Variants in ABTB2 observed in about 807,000 individuals in gnomAD.
ABTB2 encodes the protein ankyrin repeat and BTB/POZ domain-containing protein 2.
Under a neutral mutation model 104.1 loss-of-function variants are expected in ABTB2, and 56 were observed. The ratio of observed to expected loss-of-function variants is 0.54; its 90% CI spans 0.43 to 0.67. The LOEUF (loss-of-function observed/expected upper bound fraction) is 0.67. ABTB2 is among the 30% of genes least tolerant of loss of function. ABTB2 has a pLI of 0.00. For synonymous variants in ABTB2, 606 were observed against 608.2 expected (o/e 1.00, Z 0.05); for missense variants, 1,279 against 1,407.7 (o/e 0.91, Z 1.46).
intron 1 of ABTB2, among the ~76,000 whole-genome samples, chr11:34,285,433 G>C (rs999805378): frequency 2.0e-5 from 3 of 152,128 alleles, no homozygotes; most frequent in African/African-American, 7.2e-5. Flanking sequence ...CGGAAAACAG[G>C]GTGGCCCTTT....
intron 11 of ABTB2, among the ~76,000 whole-genome samples, 183 bp from the exon 12 acceptor site, chr11:34,160,536 T>C (rs1852696983): frequency 6.6e-6 from 1 of 151,668 alleles, no homozygotes; most frequent in Non-Finnish European, 1.5e-5. Flanking sequence ...CGAAATGGCT[T>C]TTTTGGTCAG....
chr11:34,249,967 G>T (rs1854035994), intron 1 of ABTB2, among the ~76,000 whole-genome samples: 1 of 152,198 alleles, frequency 6.6e-6, no homozygotes, highest in Non-Finnish European at 1.5e-5. Flanking sequence ...CCCCAATGGT[G>T]CTCAGTGACT....
chr11:34,173,144 C>G lies in ABTB2; in HGVS notation c.1397+11G>C. The G allele has an allele frequency of 6.2e-7, 1 of 1,613,678 alleles. No homozygotes were observed. Among genetic ancestry groups the G allele is most frequent in the Non-Finnish European group, 8.5e-7 (1 of 1,179,904 alleles). On this transcript the variant is annotated intron_variant, in intron 4 of 16. Transcript: ENST00000435224. ...TGGATGCCGGGGCCCTCCCTCCTCCCTGGTTCATACTTGAGCTGCCGAGGT... is the reference window on the plus strand; with the variant it reads ...TGGATGCCGGGGCCCTCCCTCCTCCGTGGTTCATACTTGAGCTGCCGAGGT...
intron 1 of ABTB2, among the ~76,000 whole-genome samples, chr11:34,292,838 A>G (rs537392325): frequency 4.6e-5 from 7 of 152,312 alleles, no homozygotes; most frequent in Admixed American, 2.6e-4. Context: ...AACAGCAGGT[A>G]CAAACCCCCA....
At chr11:34,312,506 G>C (rs896129516) in intron 1 of ABTB2, among the ~76,000 whole-genome samples, 3 of 152,164 alleles carry the variant, frequency 2.0e-5, no homozygotes, top group South Asian at 2.1e-4. Flanking sequence ...ACGCAGCTTC[G>C]GAACCCAGTT....
At chr11:34,307,968 T>C (rs763094580) in intron 1 of ABTB2, among the ~76,000 whole-genome samples, 2 of 152,218 alleles carry the variant, frequency 1.3e-5, no homozygotes, top group Non-Finnish European at 2.9e-5. Flanking sequence ...AGTGCTGGGA[T>C]TACAGGCGTG....
intron 1 of ABTB2, among the ~76,000 whole-genome samples, chr11:34,322,991 C>T (rs367566969): frequency 6.6e-6 from 1 of 152,284 alleles, no homozygotes. Context: ...CTCACTGCAA[C>T]CTCTGCCTCC....
At chr11:34,194,908 C>T in intron 3 of ABTB2, among the ~76,000 whole-genome samples, 1 of 151,944 alleles carries the variant, frequency 6.6e-6, no homozygotes, top group Non-Finnish European at 1.5e-5. Context: ...AAATAAATGG[C>T]TACGTAAACA....
intron 1 of ABTB2, among the ~76,000 whole-genome samples, chr11:34,239,169 C>T (rs904266187): frequency 1.3e-5 from 2 of 152,090 alleles, no homozygotes; most frequent in African/African-American, 2.4e-5. Context: ...GACGACAACA[C>T]CTGATAAGGA....
At chr11:34,298,454 T>TA (rs1854654576) in intron 1 of ABTB2, among the ~76,000 whole-genome samples, 1 of 145,914 alleles carries the variant, frequency 6.9e-6, no homozygotes, top group Non-Finnish European at 1.5e-5. Flanking sequence ...CTTTTAAATT[T>TA]AAAAAAATTA....
At chr11:34,329,443 C>T (rs1340604396) in intron 1 of ABTB2, among the ~76,000 whole-genome samples, 1 of 152,220 alleles carries the variant, frequency 6.6e-6, no homozygotes, top group African/African-American at 2.4e-5. Flanking sequence ...CTATCCACAG[C>T]TGACCTACAG....
chr11:34,155,396 C>T (rs1852609930), intron 14 of ABTB2, among the ~76,000 whole-genome samples: 1 of 152,258 alleles, frequency 6.6e-6, no homozygotes. Context: ...ACAGGCTGAG[C>T]CCTGCCTTGG....
chr11:34,158,305 C>T (rs562755525), intron 14 of ABTB2, among the ~76,000 whole-genome samples: 14 of 152,146 alleles, frequency 9.2e-5, no homozygotes, highest in Non-Finnish European at 1.6e-4. Flanking sequence ...CCCAGCTACT[C>T]GGGAGGGTGA....
At chr11:34,179,779 T>C (rs371049829) in intron 3 of ABTB2, among the ~76,000 whole-genome samples, 2 of 152,342 alleles carry the variant, frequency 1.3e-5, no homozygotes, top group African/African-American at 4.8e-5. Flanking sequence ...CTGTACCTAC[T>C]GCATGGTGAC....
chr11:34,224,904 T>C (rs950008978), intron 1 of ABTB2, among the ~76,000 whole-genome samples: 5 of 152,168 alleles, frequency 3.3e-5, no homozygotes, highest in African/African-American at 7.2e-5. Flanking sequence ...GCAAAAACTA[T>C]ATTTTTCTTC....
chr11:34,284,409 A>G (rs1854481288), intron 1 of ABTB2, among the ~76,000 whole-genome samples: 6 of 152,238 alleles, frequency 3.9e-5, no homozygotes. Context: ...CCAATGTCTG[A>G]GCTGCCTTAC....
intron 1 of ABTB2, among the ~76,000 whole-genome samples, chr11:34,311,259 AACTTAAC>A (rs1479214020): frequency 1.3e-5 from 2 of 152,222 alleles, no homozygotes; most frequent in African/African-American, 4.8e-5. Flanking sequence ...GCTGGACAGG[AACTTAAC>A]ACTTCCATGC....
intron 1 of ABTB2, among the ~76,000 whole-genome samples, chr11:34,348,984 T>C (rs1285164285): frequency 2.0e-5 from 3 of 152,190 alleles, no homozygotes; most frequent in African/African-American, 7.2e-5. Flanking sequence ...CAGTGAGCAG[T>C]TGATTAATGA....
At chr11:34,339,133 T>C (rs1489776041) in intron 1 of ABTB2, among the ~76,000 whole-genome samples, 5 of 152,342 alleles carry the variant, frequency 3.3e-5, no homozygotes, top group African/African-American at 1.2e-4. Context: ...ACACCATTTC[T>C]CGTCATCTTG....
Sources: gnomAD v4.1 joint callset for allele counts (sites outside exome capture counted in the v4.1 genomes callset) on GRCh38, gnomAD v4.1.1 for gene constraint, MANE v1.5 for transcripts, NCBI Gene and HGNC (gene_info 2026-07-23, HGNC 2026-07-21) for gene names.